The following USP6 variants were observed in gnomAD, a reference collection of about 807,000 sequenced individuals.
USP6 encodes the protein ubiquitin carboxyl-terminal hydrolase 6.
Under a neutral mutation model 175.7 loss-of-function variants are expected in USP6, and 128 were observed. The observed-to-expected ratio is 0.73, with a 90% confidence interval of 0.63 to 0.84. USP6 has a LOEUF of 0.84. USP6 is among the 40% of genes least tolerant of loss of function. The pLI is 0.00. For missense variants in USP6, 1,498 were observed against 1,760.3 expected (o/e 0.85, Z 2.67); for synonymous variants, 562 against 630.6 (o/e 0.89, Z 1.63).
chr17:5,122,641 C>T (rs1482589658), intron 4 of USP6, among the ~76,000 whole-genome samples: 2 of 152,202 alleles, frequency 1.3e-5, no homozygotes, highest in Non-Finnish European at 2.9e-5. Flanking sequence ...CCGGCTGCAA[C>T]GCGTGTCTCC....
chr17:5,138,267 C>T lies in USP6; in HGVS notation c.1072C>T (p.Pro358Ser). 1.9e-6 allele frequency: 3 copies of T among 1,613,394 alleles called. No individual in the cohort carries two copies. The highest frequency in any genetic ancestry group is 2.5e-6 in the Non-Finnish European group (3 of 1,179,880). Residue 358 changes from proline to serine, a missense_variant, in exon 21 of 38, where the codon CCC becomes TCC. Physicochemically the swap from Pro to Ser is moderately conservative, Grantham distance 74. Transcript: ENST00000574788. ...KLTRKQGDLPPPAKREQGSLA... is the reference protein window; with the variant it reads ...KLTRKQGDLPSPAKREQGSLA... Reference sequence around the variant, plus strand: ...AACAAGGAAGCAAGGGGACCTGCCACCCCCAGGTGGGCTCCAGTGCCATGT... The same window carrying T: ...AACAAGGAAGCAAGGGGACCTGCCATCCCCAGGTGGGCTCCAGTGCCATGT...
intron 17 of USP6, 134 bp downstream of exon 17, chr17:5,136,062 C>G: frequency 6.6e-7 from 1 of 1,504,806 alleles, no homozygotes; most frequent in Non-Finnish European, 8.9e-7. Flanking sequence ...GACGTCTCTG[C>G]TGAGGGTCCC....
intron 22 of USP6, among the ~76,000 whole-genome samples, chr17:5,140,067 C>T (rs1381293365): frequency 6.6e-6 from 1 of 152,060 alleles, no homozygotes; most frequent in Admixed American, 6.5e-5. Context: ...GCACCCCCAG[C>T]CCCACGACCA....
chr17:5,137,364 T>C (rs1345833408), intron 19 of USP6, among the ~76,000 whole-genome samples, 178 bp downstream of exon 19: 2 of 152,178 alleles, frequency 1.3e-5, no homozygotes, highest in African/African-American at 2.4e-5. Context: ...TGGCTGGGAC[T>C]CAGGTCCAGC....
chr17:5,171,528 A>C, intron 36 of USP6, 59 bp from the exon 37 acceptor site: 9 of 1,530,422 alleles, frequency 5.9e-6, no homozygotes, highest in Non-Finnish European at 8.1e-6. Flanking sequence ...TCTTAGTGCT[A>C]TACCCTGGCC....
At chr17:5,164,837 A>G (rs1024446130) in intron 33 of USP6, among the ~76,000 whole-genome samples, 2 of 152,204 alleles carry the variant, frequency 1.3e-5, no homozygotes, top group Admixed American at 6.5e-5. Flanking sequence ...TATTCCAGTG[A>G]TTTCCCTTTT....
chr17:5,156,878 C>T (rs1438496415), intron 31 of USP6, among the ~76,000 whole-genome samples: 5 of 150,894 alleles, frequency 3.3e-5, no homozygotes, highest in South Asian at 2.1e-4. Flanking sequence ...TACAGATGCT[C>T]GCAACCACAC....
At chr17:5,154,726 C>CA (rs1181956133) in intron 30 of USP6, among the ~76,000 whole-genome samples, 1 of 150,852 alleles carries the variant, frequency 6.6e-6, no homozygotes, top group Non-Finnish European at 1.5e-5. Flanking sequence ...TTTTTTTCCC[C>CA]CCACTGGCAT....
intron 37 of USP6, among the ~76,000 whole-genome samples, chr17:5,172,572 G>A (rs943022903): frequency 6.6e-6 from 1 of 152,102 alleles, no homozygotes; most frequent in African/African-American, 2.4e-5. Flanking sequence ...GAATTTGATG[G>A]GGTTTTAGGT....
chr17:5,151,458 TG>T (rs2073770566), intron 30 of USP6, among the ~76,000 whole-genome samples: 1 of 147,494 alleles, frequency 6.8e-6, no homozygotes, highest in Admixed American at 6.7e-5. Context: ...TGTGTGTGTG[TG>T]TGTGTGGTGT....
intron 25 of USP6, among the ~76,000 whole-genome samples, chr17:5,143,547 T>C (rs1451041654): frequency 6.6e-6 from 1 of 151,776 alleles, no homozygotes; most frequent in Non-Finnish European, 1.5e-5. Context: ...AAACAGATGC[T>C]TGAAGGCAGC....
At position 5,137,790 on chromosome 17, in the gene USP6, C is replaced by T. The variant is rs372993024; in HGVS notation, c.925+40C>T. Reference sequence around the variant, plus strand: ...GCCCAGTGGGGCCTGGGGAGCCCTGCAGTCAGACCCCGACTGGCCCAAGGG... The same window carrying T: ...GCCCAGTGGGGCCTGGGGAGCCCTGTAGTCAGACCCCGACTGGCCCAAGGG... On this transcript the variant is annotated intron_variant, in intron 20 of 37. Coordinates refer to ENST00000574788, the MANE Select transcript of USP6 (RefSeq NM_001304284.2). The T allele has an allele frequency of 3.7e-6, 6 of 1,602,340 alleles. No individual in the cohort carries two copies. The Middle Eastern group carries it at 5.0e-4, about 133-fold the overall frequency.
In USP6 at chr17:5,135,281, C is replaced by A. The variant is rs117865333; in HGVS notation, c.542C>A (p.Pro181Gln). The change falls in exon 16 of 38, where the codon CCG becomes CAG. Residue 181 changes from proline (P) to glutamine (Q), a missense_variant and splice_region_variant. Around this residue, in one of 2 missense-constraint regions of USP6, gnomAD observed 281 missense variants for 259.6 expected, o/e 1.08. Transcript: ENST00000574788. The stretch of plus-strand genomic sequence containing the variant: ...CTCCTGGCCTATTCGGAGTATAACC[C>A]GGTGAGTATTCCCGGCAGTGAGGTT... Reference protein sequence around the residue: ...YILLAYSEYNPEVGYCRDLSH... With the variant: ...YILLAYSEYNQEVGYCRDLSH... 6.2e-7 allele frequency: 1 copy of A among 1,612,634 alleles called. No individual in the cohort carries two copies. Among genetic ancestry groups the A allele is most frequent in the African/African-American group, 1.3e-5 (1 of 74,872 alleles).
At position 5,138,176 on chromosome 17, in the gene USP6, C is replaced by A. The variant is rs75655436; in HGVS notation, c.981C>A (p.Phe327Leu). 1,563 of 1,614,102 alleles carry A rather than the reference C, an allele frequency of 9.7e-4. 33 individuals are homozygous for A. The East Asian group carries it at 0.027, about 28-fold the overall frequency. ...TGTGGGCACGTCTGCGGAACCAATTCTTCGATACCTGGGCCATGAACGATG... is the reference window on the plus strand; with the variant it reads ...TGTGGGCACGTCTGCGGAACCAATTATTCGATACCTGGGCCATGAACGATG... Reference protein sequence around the residue: ...CGLWARLRNQFFDTWAMNDDT... With the variant: ...CGLWARLRNQLFDTWAMNDDT... The change falls in exon 21 of 38, where the codon TTC (phenylalanine) becomes TTA (leucine). Residue 327 changes from phenylalanine to leucine, a missense_variant. By Grantham distance (22) the Phe-to-Leu change is conservative. Around this residue, in one of 2 missense-constraint regions of USP6, gnomAD observed 1,217 missense variants for 1,500.8 expected, o/e 0.81. Transcript: ENST00000574788.
intron 25 of USP6, 33 bp downstream of exon 25, chr17:5,142,535 A>G (rs1368023601): frequency 3.8e-6 from 6 of 1,573,064 alleles, no homozygotes; most frequent in South Asian, 1.2e-5. Flanking sequence ...AAAGTATTTA[A>G]TTCCTAAATA....
intron 21 of USP6, among the ~76,000 whole-genome samples, chr17:5,138,672 G>A (rs1384786131): frequency 1.3e-5 from 2 of 152,182 alleles, no homozygotes; most frequent in Non-Finnish European, 2.9e-5. Flanking sequence ...GCTCCTCCAA[G>A]GTTGCCAGGA....
rs199659967 is a variant in USP6, at chr17:5,168,318, AAAAG to A, written c.3228+196_3228+199del. Among the ~76,000 whole-genome samples, 122 of 149,700 alleles carry A rather than the reference AAAAG, an allele frequency of 8.1e-4. No homozygotes were observed. The East Asian group carries it at 0.01, about 12-fold the overall frequency. On this transcript the variant is annotated intron_variant, in intron 34 of 37. Transcript: ENST00000574788. ...AAATATTTGGTAGTTCCTTTTCCTA[AAAAG>A]CTCATAACCTAGAAGAAGAGATCAA...
At chr17:5,164,612 G>C (rs1171946246) in intron 33 of USP6, among the ~76,000 whole-genome samples, 1 of 152,218 alleles carries the variant, frequency 6.6e-6, no homozygotes, top group Admixed American at 6.5e-5. Flanking sequence ...AACGGCCTAC[G>C]TGACCTGTTA....
chr17:5,130,818 A>G, intron 11 of USP6, 134 bp downstream of exon 11: 1 of 1,246,736 alleles, frequency 8.0e-7, no homozygotes, highest in Non-Finnish European at 1.1e-6. Flanking sequence ...CAGGGTCAGA[A>G]CTCCTCCCTG....
Sources: allele counts gnomAD v4.1 joint callset (sites outside exome capture counted in the v4.1 genomes callset), GRCh38; gene constraint gnomAD v4.1.1; regional missense constraint gnomAD v4.1.1; transcripts MANE v1.5; gene names NCBI Gene and HGNC (gene_info 2026-07-23, HGNC 2026-07-21).